The following SPTLC3 variants were observed in gnomAD, a reference collection of about 807,000 sequenced individuals.
SPTLC3 encodes serine palmitoyltransferase long chain base subunit 3.
In SPTLC3, 36 loss-of-function variants were observed where a neutral mutation model predicts 59.3. The ratio of observed to expected loss-of-function variants is 0.61; its 90% CI spans 0.47 to 0.80. The LOEUF is 0.80. Among genes scored for constraint, SPTLC3 ranks in the 30% least tolerant of loss-of-function variants. The pLI is 0.00. For synonymous variants in SPTLC3, 257 were observed against 240.8 expected, an observed-to-expected ratio of 1.07 and a Z score of -0.62; for missense variants, 625 against 685.1, an observed-to-expected ratio of 0.91 and a Z score of 0.98.
At chr20:13,011,355 CA>C (rs1985237553) in intron 1 of SPTLC3, among the ~76,000 whole-genome samples, 1 of 152,190 alleles carries the variant, frequency 6.6e-6, no homozygotes, top group Admixed American at 6.5e-5. Flanking sequence ...GCTGGTCTCC[CA>C]AACACGTTCT....
rs1990153551 is a variant in SPTLC3 at position 13,110,254 on chromosome 20, G to C, written c.932+37G>C. The C allele has an allele frequency of 3.8e-6, 6 of 1,571,290 alleles. No individual in the cohort carries two copies. The East Asian group carries it at 1.3e-4, about 35-fold the overall frequency. ...ACAGGACACATTTTACGACTCGGAG[G>C]CCTGCAGCAAGCTGACCAGTGCGGA... On this transcript the variant is annotated intron_variant, in intron 7 of 11. Transcript: ENST00000399002.
At chr20:13,098,048 C>T (rs1008530332) in intron 6 of SPTLC3, among the ~76,000 whole-genome samples, 6 of 152,102 alleles carry the variant, frequency 3.9e-5, no homozygotes, top group South Asian at 2.1e-4. Context: ...GACCTGTGAA[C>T]TAAGAACACT....
At chr20:13,051,075 A>G (rs1367631805) in intron 2 of SPTLC3, 2 of 152,270 alleles carry the variant, frequency 1.3e-5, no homozygotes, top group Non-Finnish European at 2.9e-5. Flanking sequence ...TGACGAATGT[A>G]ATGATACCTC....
In SPTLC3 at chr20:13,128,924, T is replaced by C. The variant is rs140707527; in HGVS notation, c.1279+2207T>C. Among the ~76,000 whole-genome samples, 1,216 of 149,240 alleles carry C rather than the reference T, an allele frequency of 8.1e-3. 12 individuals are homozygous for C. The highest frequency in any genetic ancestry group is 0.016 in the Admixed American group (231 of 14,752). Reference sequence around the variant, plus strand: ...AGAGTTTCGCTCTTGTCACCCAAGCTGGAGTACAATGGTGCGATCTCAGCT... The same window carrying C: ...AGAGTTTCGCTCTTGTCACCCAAGCCGGAGTACAATGGTGCGATCTCAGCT... On this transcript the variant is annotated intron_variant, in intron 9 of 11. Transcript: ENST00000399002.
intron 2 of SPTLC3, among the ~76,000 whole-genome samples, chr20:13,064,247 G>C (rs1988091078): frequency 7.7e-6 from 1 of 129,406 alleles, no homozygotes; most frequent in Non-Finnish European, 1.6e-5. Flanking sequence ...TAATTAAATA[G>C]TTCTTTTTTT....
rs1988555586 is a variant in SPTLC3 at position 13,074,217 on chromosome 20, C to G, written c.459-132C>G. The G allele has an allele frequency of 4.3e-6, 5 of 1,163,524 alleles. No individual in the cohort carries two copies. The Admixed American group carries it at 9.2e-5, about 21-fold the overall frequency. 72.1% of individuals were successfully genotyped at this position (1,163,524 alleles called of 1,614,324 possible). Reference sequence around the variant, plus strand: ...GCCAGCTCTGTTCCACCTCACAGATCTGAGCTGCCATCTCCTTGGTCACCT... The same window carrying G: ...GCCAGCTCTGTTCCACCTCACAGATGTGAGCTGCCATCTCCTTGGTCACCT... On this transcript the variant is annotated intron_variant, in intron 3 of 11. Transcript: ENST00000399002.
Position 13,009,175 on chromosome 20 carries a change from A to T in SPTLC3, c.-93A>T. Reference sequence around the variant, plus strand: ...AGATTCCTTTAAGGGCTCAGCCCCAAAGAGCTTTATCCCATCCCCTCGCAG... The same window carrying T: ...AGATTCCTTTAAGGGCTCAGCCCCATAGAGCTTTATCCCATCCCCTCGCAG... On this transcript the variant is annotated 5_prime_UTR_variant, in exon 1 of 12. Coordinates refer to ENST00000399002, the MANE Select transcript of SPTLC3 (RefSeq NM_018327.4). The T allele has an allele frequency of 1.1e-6, 1 of 946,366 alleles. No individual in the cohort carries two copies. The highest frequency in any genetic ancestry group is 2.4e-5 in the East Asian group (1 of 41,356). 58.6% of individuals were successfully genotyped at this position (946,366 alleles called of 1,614,324 possible).
intron 7 of SPTLC3, among the ~76,000 whole-genome samples, chr20:13,115,739 T>C (rs1039885905): frequency 6.6e-6 from 1 of 151,978 alleles, no homozygotes; most frequent in African/African-American, 2.4e-5. Context: ...CCTCCTAAGC[T>C]CCTCCTCCTG....
chr20:13,010,040 C>CTTT (rs745481257), intron 1 of SPTLC3, among the ~76,000 whole-genome samples: 1 of 139,146 alleles, frequency 7.2e-6, no homozygotes, highest in African/African-American at 2.6e-5. Flanking sequence ...CAACTTGACA[C>CTTT]TTTTTTTTTT....
At chr20:13,159,928 TC>T in intron 10 of SPTLC3, 74 bp from the exon 11 acceptor site, 2 of 1,447,178 alleles carry the variant, frequency 1.4e-6, no homozygotes, top group South Asian at 3.2e-5. Flanking sequence ...TTAGCCATAT[TC>T]CTTTTTTGTC....
At chr20:13,141,016 A>C (rs964546077) in intron 9 of SPTLC3, among the ~76,000 whole-genome samples, 1 of 152,318 alleles carries the variant, frequency 6.6e-6, no homozygotes, top group Middle Eastern at 3.4e-3. Flanking sequence ...GGTCCCTGCA[A>C]CAAGGCACAC....
intron 8 of SPTLC3, among the ~76,000 whole-genome samples, chr20:13,121,330 C>T (rs1438461366): frequency 2.0e-5 from 3 of 152,202 alleles, no homozygotes; most frequent in Non-Finnish European, 2.9e-5. Context: ...CAGAAGCCTG[C>T]ATGCCAGCCA....
At chr20:13,081,792 T>C (rs2122596978) in intron 4 of SPTLC3, among the ~76,000 whole-genome samples, 1 of 152,320 alleles carries the variant, frequency 6.6e-6, no homozygotes, top group Middle Eastern at 3.4e-3. Context: ...ACCAAATTAT[T>C]ATAGATTCCA....
At chr20:13,134,670 C>T (rs112597085) in intron 9 of SPTLC3, among the ~76,000 whole-genome samples, 3 of 151,854 alleles carry the variant, frequency 2.0e-5, no homozygotes, top group African/African-American at 7.3e-5. Flanking sequence ...CATGTTTCTA[C>T]GTAACAGAAA....
intron 9 of SPTLC3, among the ~76,000 whole-genome samples, chr20:13,128,144 G>A (rs2038037014): frequency 6.6e-6 from 1 of 152,204 alleles, no homozygotes; most frequent in Non-Finnish European, 1.5e-5. Flanking sequence ...ATTGTGTCTG[G>A]AGACAAGTAT....
chr20:13,112,734 G>T (rs1417355428), intron 7 of SPTLC3, among the ~76,000 whole-genome samples: 1 of 152,200 alleles, frequency 6.6e-6, no homozygotes, highest in Non-Finnish European at 1.5e-5. Context: ...TTCACAGATA[G>T]GTAACAGGGC....
intron 2 of SPTLC3, among the ~76,000 whole-genome samples, chr20:13,058,447 A>G (rs1253419549): frequency 6.6e-6 from 1 of 152,212 alleles, no homozygotes; most frequent in African/African-American, 2.4e-5. Context: ...GGATAGAAAT[A>G]TTAGACCAGT....
chr20:13,014,399 G>A (rs1382983292), intron 1 of SPTLC3, among the ~76,000 whole-genome samples: 1 of 152,194 alleles, frequency 6.6e-6, no homozygotes, highest in Non-Finnish European at 1.5e-5. Flanking sequence ...GTAGCCAGTT[G>A]TACAGGCATA....
rs2038993660 is a variant in SPTLC3 at position 13,167,110 on chromosome 20, G to A, written c.*2243G>A. The stretch of plus-strand genomic sequence containing the variant: ...GAATGCTTCCACAGTGCATTAGAAG[G>A]TGCCCAAGCTCCACAGGGCCAATAA... On this transcript the variant is annotated 3_prime_UTR_variant, in exon 12 of 12. Transcript: ENST00000399002. 1 of 152,100 alleles carries A rather than the reference G, an allele frequency of 6.6e-6. No individual in the cohort carries two copies. The highest frequency in any genetic ancestry group is 2.4e-5 in the African/African-American group (1 of 41,416). 9.4% of individuals were successfully genotyped at this position (152,100 alleles called of 1,614,324 possible). A position where few individuals can be genotyped will look rare whatever the true frequency, so the allele number is the denominator to read the frequency against.
Sources: allele counts gnomAD v4.1 joint callset (sites outside exome capture counted in the v4.1 genomes callset), GRCh38; gene constraint gnomAD v4.1.1; transcripts MANE v1.5; gene names NCBI Gene and HGNC (gene_info 2026-07-23, HGNC 2026-07-21).